DNAJC13: variants seen among roughly 807,000 people sequenced by gnomAD.
The protein encoded by DNAJC13 is dnaJ homolog subfamily C member 13.
DNAJC13 carries 75 observed loss-of-function variants against 290.5 expected under a neutral mutation model. The observed-to-expected ratio is 0.26, with a 90% CI of 0.21 to 0.31. DNAJC13 has a LOEUF of 0.31. Ranked by LOEUF, DNAJC13 falls within the 10% of genes least tolerant of loss-of-function variation. The pLI is 1.00. For synonymous variants in DNAJC13, 862 were observed against 892.0 expected (o/e 0.97, Z 0.60); for missense variants, 2,260 against 2,674.5 (o/e 0.85, Z 3.42).
intron 51 of DNAJC13, among the ~76,000 whole-genome samples, chr3:132,524,952 GTT>G (rs1443607434): frequency 6.6e-6 from 1 of 152,178 alleles, no homozygotes; most frequent in African/African-American, 2.4e-5. Flanking sequence ...CATTTCACTA[GTT>G]CTGCATTCTT....
chr3:132,492,658 T>C, intron 33 of DNAJC13, 43 bp downstream of exon 33: 2 of 1,570,592 alleles, frequency 1.3e-6, no homozygotes, highest in Non-Finnish European at 1.7e-6. Context: ...GCCATAAAAA[T>C]AGCCTCTAAA....
intron 55 of DNAJC13, among the ~76,000 whole-genome samples, chr3:132,532,237 C>G (rs1366918568): frequency 6.6e-6 from 1 of 152,114 alleles, no homozygotes; most frequent in Non-Finnish European, 1.5e-5. Context: ...TTGTTTTAAT[C>G]TTGATTGCTA....
intron 36 of DNAJC13, among the ~76,000 whole-genome samples, chr3:132,496,967 GAC>G (rs1189534876): frequency 6.6e-6 from 1 of 152,138 alleles, no homozygotes; most frequent in Non-Finnish European, 1.5e-5. Flanking sequence ...TGTTAAATGA[GAC>G]AGAATGGAAT....
At chr3:132,428,394 G>C (rs1188904441) in intron 1 of DNAJC13, among the ~76,000 whole-genome samples, 2 of 152,190 alleles carry the variant, frequency 1.3e-5, no homozygotes, top group Non-Finnish European at 2.9e-5. Context: ...TGAAAATGTG[G>C]ATAGGCTAAT....
chr3:132,499,079 A>G (rs1191909204), intron 36 of DNAJC13, 47 bp from the exon 37 acceptor site: 2 of 1,465,700 alleles, frequency 1.4e-6, no homozygotes, highest in African/African-American at 1.4e-5. Context: ...ACCACAACAT[A>G]ATCAATTTTG....
intron 32 of DNAJC13, among the ~76,000 whole-genome samples, chr3:132,491,916 G>A (rs1935068576): frequency 6.6e-6 from 1 of 152,186 alleles, no homozygotes; most frequent in East Asian, 1.9e-4. Context: ...TAATAAATTA[G>A]CAACACAGTT....
intron 1 of DNAJC13, among the ~76,000 whole-genome samples, chr3:132,432,223 G>C (rs892806758): frequency 6.6e-6 from 1 of 151,770 alleles, no homozygotes; most frequent in Non-Finnish European, 1.5e-5. Context: ...TTTGGGGGGG[G>C]ACAGAGTCTT....
intron 38 of DNAJC13, 127 bp from the exon 39 acceptor site, chr3:132,500,667 A>T: frequency 1.6e-6 from 2 of 1,276,604 alleles, no homozygotes; most frequent in Non-Finnish European, 2.2e-6. Context: ...CATTCTGTTT[A>T]ATTTTGGAAC....
At chr3:132,523,815 G>A in intron 51 of DNAJC13, 102 bp downstream of exon 51, 4 of 1,206,536 alleles carry the variant, frequency 3.3e-6, no homozygotes, top group Non-Finnish European at 4.5e-6. Flanking sequence ...TTAGGAATTG[G>A]CCAGCTCTTT....
chr3:132,488,381 C>T lies in DNAJC13; in HGVS notation c.3351C>T (p.Pro1117=), dbSNP rs771609766. The T allele has an allele frequency of 6.2e-7, 1 of 1,613,612 alleles. No individual in the cohort carries two copies. Among genetic ancestry groups the T allele is most frequent in the Non-Finnish European group, 8.5e-7 (1 of 1,179,758 alleles). The change falls in exon 30 of 56, where the codon CCC becomes CCT. Residue 1117 remains proline (P), a synonymous_variant. Coordinates refer to ENST00000260818, the MANE Select transcript of DNAJC13 (RefSeq NM_015268.4). ...YHIMQDNPQL[P]RLYLSGVFFF... Reference sequence around the variant, plus strand: ...TCATGCAAGATAACCCACAGTTACCCCGCCTTTATCTGAGTGGAGTATTTT... The same window carrying T: ...TCATGCAAGATAACCCACAGTTACCTCGCCTTTATCTGAGTGGAGTATTTT...
chr3:132,427,375 G>A lies in DNAJC13; in HGVS notation c.-13-7163G>A, dbSNP rs139671137. Among the ~76,000 whole-genome samples the A allele has an allele frequency of 4.1e-3, 631 of 152,062 alleles. 5 individuals are homozygous for A. The highest frequency in any genetic ancestry group is 0.014 in the African/African-American group (569 of 41,482). ...TGGTCTTGAACTCCTGGACTCAAGC[G>A]ATCTGCCTGCATTGGCCTCCCAAAG... On this transcript the variant is annotated intron_variant, in intron 1 of 55. Coordinates refer to ENST00000260818, the MANE Select transcript of DNAJC13 (RefSeq NM_015268.4).
chr3:132,451,501 G>A (rs999261604), intron 6 of DNAJC13, among the ~76,000 whole-genome samples: 1 of 152,096 alleles, frequency 6.6e-6, no homozygotes, highest in African/African-American at 2.4e-5. Flanking sequence ...AAGGTGCTGA[G>A]AACCCTGTTA....
chr3:132,529,957 C>T (rs1052217206), intron 54 of DNAJC13, among the ~76,000 whole-genome samples: 1 of 152,156 alleles, frequency 6.6e-6, no homozygotes, highest in African/African-American at 2.4e-5. Context: ...CTGCGTACCA[C>T]TTGCAGCAGT....
In DNAJC13 at chr3:132,434,518, C is replaced by A. The variant is rs371828302; in HGVS notation, c.-13-20C>A. On this transcript the variant is annotated intron_variant, in intron 1 of 55. Transcript: ENST00000260818. ...AGATATATAACATGTACTAAGTGCCCTCATATTTTTATCTTCCAGGTTTGA... is the reference window on the plus strand; with the variant it reads ...AGATATATAACATGTACTAAGTGCCATCATATTTTTATCTTCCAGGTTTGA... The A allele has an allele frequency of 3.8e-6, 6 of 1,564,446 alleles. No individual in the cohort carries two copies. In the African/African-American group the frequency reaches 5.5e-5, roughly 14 times the overall value.
chr3:132,429,043 T>C (rs1295162641), intron 1 of DNAJC13, among the ~76,000 whole-genome samples: 2 of 152,252 alleles, frequency 1.3e-5, no homozygotes, highest in African/African-American at 2.4e-5. Context: ...AAAAAATGTT[T>C]TTTAAGCTTA....
chr3:132,471,922 C>T (rs1402468185), intron 20 of DNAJC13, among the ~76,000 whole-genome samples: 1 of 144,090 alleles, frequency 6.9e-6, no homozygotes, highest in Non-Finnish European at 1.5e-5. Flanking sequence ...TGTAGTGAGC[C>T]GAGATCACGC....
intron 25 of DNAJC13, among the ~76,000 whole-genome samples, chr3:132,479,998 A>G (rs1294152572): frequency 6.6e-6 from 1 of 152,194 alleles, no homozygotes. Flanking sequence ...AAACTGGAAC[A>G]TTAAAAGATT....
chr3:132,502,580 G>T, intron 40 of DNAJC13, 112 bp downstream of exon 40: 1 of 1,009,818 alleles, frequency 9.9e-7, no homozygotes, highest in Non-Finnish European at 1.3e-6. Context: ...TTGTTTTTCA[G>T]GAAAATTAGG....
At position 132,467,195 on chromosome 3, in the gene DNAJC13, T is replaced by C; in HGVS notation, c.2090T>C (p.Val697Ala). The change falls in exon 20 of 56, where the codon GTT (valine) becomes GCT (alanine). Residue 697 changes from valine (V) to alanine (A), a missense_variant. Val to Ala is a moderately conservative substitution (Grantham distance 64). This residue lies in a region of DNAJC13 where 762 missense variants were observed against 964.1 expected (regional missense o/e 0.79). Transcript: ENST00000260818. Reference protein sequence around the residue: ...AMDQYGKFNKVPEWQRLAGKA... With the variant: ...AMDQYGKFNKAPEWQRLAGKA... Reference sequence around the variant, plus strand: ...GATCAGTATGGAAAATTTAATAAAGTTCCAGAGTGGCAAAGACTAGCTGGA... The same window carrying C: ...GATCAGTATGGAAAATTTAATAAAGCTCCAGAGTGGCAAAGACTAGCTGGA... 1 of 1,613,384 alleles carries C rather than the reference T, an allele frequency of 6.2e-7. No individual in the cohort carries two copies. The highest frequency in any genetic ancestry group is 8.5e-7 in the Non-Finnish European group (1 of 1,179,718).
Sources: gnomAD v4.1 joint callset for allele counts (sites outside exome capture counted in the v4.1 genomes callset) on GRCh38, gnomAD v4.1.1 for gene constraint, gnomAD v4.1.1 regional missense constraint, MANE v1.5 for transcripts, NCBI Gene and HGNC (gene_info 2026-07-23, HGNC 2026-07-21) for gene names.